Variants in DPY19L2 observed in about 807,000 individuals in gnomAD.
DPY19L2 encodes dpy-19 like 2.
A neutral mutation model predicts 97.9 loss-of-function variants in DPY19L2; 34 were observed. The ratio of observed to expected loss-of-function variants is 0.35; its 90% confidence interval spans 0.26 to 0.46. DPY19L2 has a LOEUF of 0.46. Ranked by LOEUF, DPY19L2 falls within the 20% of genes least tolerant of loss-of-function variation. DPY19L2 has a pLI of 1.00. For synonymous variants in DPY19L2, 230 were observed against 307.9 expected, an observed-to-expected ratio of 0.75 and a Z score of 2.65; for missense variants, 623 against 911.4, an observed-to-expected ratio of 0.68 and a Z score of 4.07.
intron 16 of DPY19L2, among the ~76,000 whole-genome samples, chr12:63,588,227 C>A (rs1439265046): frequency 6.6e-6 from 1 of 152,044 alleles, no homozygotes; most frequent in Non-Finnish European, 1.5e-5. Context: ...AAAAGAATGA[C>A]CTCGTTATGG....
Position 63,597,701 on chromosome 12 carries a change from T to C in DPY19L2, c.1461+108A>G, listed in dbSNP as rs1884478146. On this transcript the variant is annotated intron_variant, in intron 14 of 21. Transcript: ENST00000324472. The stretch of plus-strand genomic sequence containing the variant: ...GATTAGCAAAAGTTACAGTAAAAAA[T>C]ATAAAATAAGTTGACTGTTTCTGAG... The C allele has an allele frequency of 3.1e-6, 3 of 964,186 alleles. No homozygotes were observed. In the East Asian group the frequency reaches 7.8e-5, roughly 25 times the overall value. The allele number at this position is 964,186 out of a possible 1,614,324, so 59.7% of individuals were successfully genotyped here. A position where few individuals can be genotyped will look rare whatever the true frequency, so the allele number is the denominator to read the frequency against.
chr12:63,628,948 G>A (rs1470965623), intron 6 of DPY19L2, among the ~76,000 whole-genome samples: 2 of 151,900 alleles, frequency 1.3e-5, no homozygotes, highest in African/African-American at 4.8e-5. Flanking sequence ...TGATACCCAC[G>A]CAAACAGGGT....
At position 63,647,256 on chromosome 12, in the gene DPY19L2, T is replaced by G; in HGVS notation, c.698A>C (p.Gln233Pro). Residue 233 changes from glutamine (Q) to proline (P), a missense_variant, in exon 5 of 22, where the codon CAA (glutamine) becomes CCA (proline). By Grantham distance (76) the Gln-to-Pro change is moderately conservative. Coordinates refer to ENST00000324472, the MANE Select transcript of DPY19L2 (RefSeq NM_173812.5). ...VTRIEPLNEV[Q>P]SCEGLGDPAC... The stretch of plus-strand genomic sequence containing the variant: ...TGGAAGAAACATGCCTTCACAGCTT[T>G]GAACTTCATTAAGAGGTTCTATTCT... 6.5e-7 allele frequency: 1 copy of G among 1,549,600 alleles called. No homozygotes were observed. The highest frequency in any genetic ancestry group is 2.4e-5 in the East Asian group (1 of 42,122).
intron 21 of DPY19L2, among the ~76,000 whole-genome samples, chr12:63,567,320 A>G (rs1438522771): frequency 6.6e-6 from 1 of 151,966 alleles, no homozygotes; most frequent in African/African-American, 2.4e-5. Flanking sequence ...TAGGCTTGCC[A>G]TTATGCTCTT....
intron 15 of DPY19L2, among the ~76,000 whole-genome samples, chr12:63,594,464 A>AGAGAGAGAGTGTGTGTGTGTGTGT (rs1555189197): frequency 8.0e-6 from 1 of 124,932 alleles, no homozygotes; most frequent in Non-Finnish European, 1.6e-5. Flanking sequence ...AGAGAGAGAT[A>AGAGAGAGAGTGTGTGTGTGTGTGT]GTGTGTGTGT....
intron 4 of DPY19L2, among the ~76,000 whole-genome samples, chr12:63,657,318 T>C (rs1895096595): frequency 6.6e-6 from 1 of 152,182 alleles, no homozygotes; most frequent in African/African-American, 2.4e-5. Context: ...GTTTTGAACT[T>C]GGTTTTGGGT....
intron 21 of DPY19L2, among the ~76,000 whole-genome samples, chr12:63,566,419 C>A (rs1338449955): frequency 6.6e-6 from 1 of 152,030 alleles, no homozygotes; most frequent in Non-Finnish European, 1.5e-5. Context: ...CCACAGAGAT[C>A]CCTTGTATAG....
chr12:63,594,660 G>T (rs540212635), intron 15 of DPY19L2, among the ~76,000 whole-genome samples: 22 of 151,974 alleles, frequency 1.4e-4, no homozygotes, highest in Admixed American at 6.5e-5. Context: ...GTCTGTGTGT[G>T]TGTGTGTGTG....
chr12:63,663,813 C>T lies in DPY19L2; in HGVS notation c.395G>A (p.Arg132His), dbSNP rs765434660. Residue 132 changes from arginine (R) to histidine (H), a missense_variant, in exon 3 of 22, where the codon CGT (arginine) becomes CAT (histidine). Transcript: ENST00000324472. ...CAAAGATGAGAGGTGAGAGAAATGA[C>T]GATCATTTTCAAAAAGTGTTACTAA... ...LHLVTLFEND[R>H]HFSHLSSLER... 2.2e-5 allele frequency: 35 copies of T among 1,603,506 alleles called. No homozygotes were observed. The highest frequency in any genetic ancestry group is 5.7e-5 in the South Asian group (5 of 87,966).
intron 16 of DPY19L2, among the ~76,000 whole-genome samples, chr12:63,584,465 C>T (rs1881442783): frequency 6.6e-6 from 1 of 152,194 alleles, no homozygotes; most frequent in South Asian, 2.1e-4. Flanking sequence ...CTGTGGCTAA[C>T]TGCAGTCCAA....
chr12:63,653,859 T>C (rs1278969437), intron 4 of DPY19L2, among the ~76,000 whole-genome samples: 1 of 151,982 alleles, frequency 6.6e-6, no homozygotes, highest in South Asian at 2.1e-4. Context: ...TTAGAAACTA[T>C]GGAGGGCCAG....
At chr12:63,590,413 A>G (rs1222402516) in intron 16 of DPY19L2, among the ~76,000 whole-genome samples, 4 of 152,278 alleles carry the variant, frequency 2.6e-5, no homozygotes, top group Admixed American at 6.5e-5. Context: ...CATACTATAG[A>G]AATACTTAGA....
At chr12:63,619,137 A>G (rs1173501062) in intron 9 of DPY19L2, among the ~76,000 whole-genome samples, 1 of 152,054 alleles carries the variant, frequency 6.6e-6, no homozygotes, top group Non-Finnish European at 1.5e-5. Flanking sequence ...AGGAGAGCAC[A>G]GAAGTCATAA....
intron 13 of DPY19L2, 118 bp from the exon 14 acceptor site, chr12:63,598,028 T>G: frequency 1.4e-6 from 1 of 739,386 alleles, no homozygotes; most frequent in Non-Finnish European, 2.0e-6. Context: ...TCCAATATAT[T>G]TAGACATCCC....
rs757511135 is a variant in DPY19L2 at position 63,582,521 on chromosome 12, G to A, written c.1610C>T (p.Ala537Val). 22 of 1,605,858 alleles carry A rather than the reference G, an allele frequency of 1.4e-5. No individual in the cohort carries two copies. The highest frequency in any genetic ancestry group is 1.9e-5 in the Non-Finnish European group (22 of 1,177,560). The change falls in exon 18 of 22, where the codon GCT becomes GTT. Residue 537 changes from alanine to valine, a missense_variant. This residue lies in a region of DPY19L2 where 294 missense variants were observed against 446.2 expected (regional missense o/e 0.66). Transcript: ENST00000324472. ...CACTAACAACTGCAATGTGTGAAAAGCCAGCTATAAAACACAAATAAGACA... is the reference window on the plus strand; with the variant it reads ...CACTAACAACTGCAATGTGTGAAAAACCAGCTATAAAACACAAATAAGACA... ...RKQLLEHSEL[A>V]FHTLQLLVFT...
At chr12:63,651,485 T>C (rs1310592526) in intron 4 of DPY19L2, 1 of 154,908 alleles carries the variant, frequency 6.5e-6, no homozygotes, top group African/African-American at 2.4e-5. Context: ...AGGGAGAAAA[T>C]ATTTGCAAAC....
chr12:63,559,574 T>C lies in DPY19L2; in HGVS notation c.*938A>G, dbSNP rs1876108850. On this transcript the variant is annotated 3_prime_UTR_variant, in exon 22 of 22. Coordinates refer to ENST00000324472, the MANE Select transcript of DPY19L2 (RefSeq NM_173812.5). ...TTCCTCACCCAAAACCAAAAATAAA[T>C]GAGGGCTTAAAAATATATTATTTAA... is the stretch of plus-strand genomic sequence containing the variant. 6.6e-6 allele frequency: 1 copy of C among 152,498 alleles called. No homozygotes were observed. Among genetic ancestry groups the C allele is most frequent in the Admixed American group, 6.5e-5 (1 of 15,268 alleles). The allele number at this position is 152,498 out of a possible 1,614,324, so 9.4% of individuals were successfully genotyped here.
intron 13 of DPY19L2, among the ~76,000 whole-genome samples, chr12:63,599,757 TTAAC>T (rs1378587120): frequency 6.6e-6 from 1 of 152,106 alleles, no homozygotes; most frequent in Non-Finnish European, 1.5e-5. Context: ...CTTTAAAACA[TTAAC>T]AAACAGAAAT....
Position 63,624,132 on chromosome 12 carries a change from C to T in DPY19L2, c.862-1G>A, listed in dbSNP as rs1198561970. ...GTGGTGTCCACATCACACGGGTGGC[C>T]TGAAATCAACAAAATGCCCACTTTA... On this transcript the variant is annotated splice_acceptor_variant, in intron 7 of 21. Transcript: ENST00000324472. LOFTEE classifies it high-confidence loss of function. 5.6e-6 allele frequency: 9 copies of T among 1,609,124 alleles called. No individual in the cohort carries two copies. The highest frequency in any genetic ancestry group is 6.8e-6 in the Non-Finnish European group (8 of 1,177,526).
Sources: allele counts gnomAD v4.1 joint callset (sites outside exome capture counted in the v4.1 genomes callset), GRCh38; gene constraint gnomAD v4.1.1; regional missense constraint gnomAD v4.1.1; transcripts MANE v1.5; gene names NCBI Gene and HGNC (gene_info 2026-07-23, HGNC 2026-07-21).